ZNF521: variants seen among roughly 807,000 people sequenced by gnomAD.
The protein encoded by ZNF521 is zinc finger protein 521.
In ZNF521, 14 loss-of-function variants were observed where a neutral mutation model predicts 105.5. The ratio of observed to expected loss-of-function variants is 0.13; its 90% CI spans 0.09 to 0.21. The LOEUF (loss-of-function observed/expected upper bound fraction) is 0.21, where lower values mean the gene tolerates loss of function less well. Among genes scored for constraint, ZNF521 ranks in the 10% least tolerant of loss-of-function variants. The pLI is 1.00. For synonymous variants in ZNF521, 635 were observed against 606.0 expected (o/e 1.05, Z -0.70); for missense variants, 1,233 against 1,629.7 (o/e 0.76, Z 4.19).
intron 3 of ZNF521, among the ~76,000 whole-genome samples, chr18:25,232,384 A>T (rs1321137033): frequency 6.6e-6 from 1 of 152,238 alleles, no homozygotes; most frequent in Non-Finnish European, 1.5e-5. Context: ...AAAAAGATTT[A>T]TATGTGTTGC....
chr18:25,297,884 C>T (rs1911413340), intron 3 of ZNF521, among the ~76,000 whole-genome samples: 1 of 152,084 alleles, frequency 6.6e-6, no homozygotes, highest in Non-Finnish European at 1.5e-5. Context: ...AATCCTAGTA[C>T]AGAAATATTT....
At chr18:25,330,264 A>T (rs1368420947) in intron 2 of ZNF521, among the ~76,000 whole-genome samples, 1 of 152,046 alleles carries the variant, frequency 6.6e-6, no homozygotes, top group Non-Finnish European at 1.5e-5. Context: ...CCCAGGTTCA[A>T]ACGATTCTCC....
intron 3 of ZNF521, among the ~76,000 whole-genome samples, chr18:25,318,212 A>C (rs1325342378): frequency 6.6e-6 from 1 of 152,170 alleles, no homozygotes; most frequent in Non-Finnish European, 1.5e-5. Context: ...AGCTGGACAC[A>C]CAAAAAAAGG....
In ZNF521 at chr18:25,224,434, G is replaced by A; in HGVS notation, c.3484C>T (p.Arg1162Ter). The A allele has an allele frequency of 6.2e-7, 1 of 1,614,036 alleles. No homozygotes were observed. The highest frequency in any genetic ancestry group is 8.5e-7 in the Non-Finnish European group (1 of 1,179,992). The change falls in exon 4 of 8, where the codon CGA becomes TGA. Residue 1162 changes from arginine to a stop codon, truncating the protein, a stop_gained. Coordinates refer to ENST00000361524, the MANE Select transcript of ZNF521 (RefSeq NM_015461.3). LOFTEE classifies it high-confidence loss of function. ...CTGTTGCTGTCTGGCACGAGCTCTC[G>A]GTGGATGGTTTGGATGTGGTTCTGG... The part of the protein sequence containing the change: ...ELQNHIQTIH[R>*]ELVPDSNSTQ...
intron 2 of ZNF521, among the ~76,000 whole-genome samples, chr18:25,331,014 C>T (rs189533327): frequency 3.9e-5 from 6 of 152,256 alleles, no homozygotes; most frequent in African/African-American, 1.4e-4. Context: ...TTTTTGTAAC[C>T]GTGTTGTTTT....
intron 5 of ZNF521, among the ~76,000 whole-genome samples, chr18:25,189,588 C>T (rs2035784376): frequency 6.6e-6 from 1 of 152,208 alleles, no homozygotes; most frequent in Non-Finnish European, 1.5e-5. Context: ...CTGTCATTGG[C>T]AAGCGTTCCC....
At chr18:25,067,418 T>C (rs556473339) in intron 7 of ZNF521, among the ~76,000 whole-genome samples, 1 of 152,350 alleles carries the variant, frequency 6.6e-6, no homozygotes, top group East Asian at 1.9e-4. Context: ...TATGTATTTC[T>C]TTTTAAATAT....
At chr18:25,263,189 A>C (rs1909027337) in intron 3 of ZNF521, among the ~76,000 whole-genome samples, 1 of 152,178 alleles carries the variant, frequency 6.6e-6, no homozygotes, top group Admixed American at 6.5e-5. Flanking sequence ...TTATTAAAGC[A>C]TCCAGAATTA....
In ZNF521 at chr18:25,110,442, C is replaced by CAAAAAAAAAA. The variant is rs372395726; in HGVS notation, c.3659-18362_3659-18361insTTTTTTTTTT. 1.3e-4 allele frequency among the ~76,000 whole-genome samples: 19 copies of CAAAAAAAAAA among 148,964 alleles called. 1 individual carries two copies. Among genetic ancestry groups the CAAAAAAAAAA allele is most frequent in the Non-Finnish European group, 2.2e-4 (15 of 67,082 alleles). ...ACTGAATGAATGGAAGGCAGGAGAC[C>CAAAAAAAAAA]AAAAAAGAAAGAAAAAGAGGGAGAG... On this transcript the variant is annotated intron_variant, in intron 5 of 7. Transcript: ENST00000361524.
At chr18:25,158,652 G>T (rs2035193318) in intron 5 of ZNF521, among the ~76,000 whole-genome samples, 1 of 151,854 alleles carries the variant, frequency 6.6e-6, no homozygotes, top group South Asian at 2.1e-4. Context: ...ATGAAATGAG[G>T]TAAGAAGAGG....
chr18:25,297,156 C>T (rs1449311651), intron 3 of ZNF521, among the ~76,000 whole-genome samples: 1 of 150,700 alleles, frequency 6.6e-6, no homozygotes, highest in Admixed American at 6.6e-5. Flanking sequence ...TATATATATA[C>T]TGAATTAAAA....
intron 2 of ZNF521, among the ~76,000 whole-genome samples, chr18:25,346,237 T>C (rs1229199143): frequency 6.6e-6 from 1 of 152,124 alleles, no homozygotes; most frequent in South Asian, 2.1e-4. Flanking sequence ...CTGATGAGGT[T>C]TTTTTTTGTC....
chr18:25,231,473 T>C (rs1049993098), intron 3 of ZNF521: 7 of 152,274 alleles, frequency 4.6e-5, no homozygotes, highest in African/African-American at 1.7e-4. Context: ...CAGAGTACCT[T>C]TGTGACGTGA....
At chr18:25,200,912 A>T (rs2035980597) in intron 4 of ZNF521, 1 of 152,074 alleles carries the variant, frequency 6.6e-6, no homozygotes, top group Admixed American at 6.6e-5. Flanking sequence ...CTGAGCTTCT[A>T]AACATGCTTA....
At chr18:25,245,351 A>G (rs918617136) in intron 3 of ZNF521, among the ~76,000 whole-genome samples, 2 of 152,228 alleles carry the variant, frequency 1.3e-5, no homozygotes, top group East Asian at 3.8e-4. Context: ...ACACATGCAT[A>G]GTCTCCCCTA....
At chr18:25,163,306 A>G (rs1413956641) in intron 5 of ZNF521, among the ~76,000 whole-genome samples, 1 of 152,228 alleles carries the variant, frequency 6.6e-6, no homozygotes, top group African/African-American at 2.4e-5. Flanking sequence ...TCAACCACAC[A>G]GATAACTGTC....
intron 3 of ZNF521, among the ~76,000 whole-genome samples, chr18:25,261,637 T>C (rs1908915569): frequency 6.6e-6 from 1 of 152,084 alleles, no homozygotes; most frequent in South Asian, 2.1e-4. Context: ...TTCTCTCCTC[T>C]ATTTTTTCTC....
intron 5 of ZNF521, among the ~76,000 whole-genome samples, chr18:25,183,640 T>G (rs746916535): frequency 6.6e-6 from 1 of 152,174 alleles, no homozygotes; most frequent in Non-Finnish European, 1.5e-5. Context: ...TTGCTAAATA[T>G]TTAACAGTAC....
At chr18:25,306,273 A>G (rs1911969881) in intron 3 of ZNF521, among the ~76,000 whole-genome samples, 2 of 152,132 alleles carry the variant, frequency 1.3e-5, no homozygotes, top group Admixed American at 1.3e-4. Context: ...ACGAAGGGAG[A>G]TGATGGGAAA....
Sources: allele counts gnomAD v4.1 joint callset (sites outside exome capture counted in the v4.1 genomes callset), GRCh38; gene constraint gnomAD v4.1.1; transcripts MANE v1.5; gene names NCBI Gene and HGNC (gene_info 2026-07-23, HGNC 2026-07-21).